The following FSTL5 variants were observed in gnomAD, a reference collection of about 807,000 sequenced individuals.
FSTL5 encodes follistatin-related protein 5.
FSTL5 carries 62 observed loss-of-function variants against 89.1 expected under a neutral mutation model. The ratio of observed to expected loss-of-function variants is 0.70; its 90% CI spans 0.57 to 0.86. FSTL5 has a LOEUF of 0.86. Among genes scored for constraint, FSTL5 ranks in the 40% least tolerant of loss-of-function variants. The probability of loss-of-function intolerance (pLI) is 0.00; values close to 1 mark genes in which losing one functional copy is unlikely to be tolerated. For missense variants in FSTL5, 1,057 were observed against 1,001.6 expected (o/e 1.06, Z -0.75); for synonymous variants, 383 against 346.2 (o/e 1.11, Z -1.18).
At chr4:161,792,108 C>T (rs1260557076) in intron 4 of FSTL5, among the ~76,000 whole-genome samples, 1 of 152,170 alleles carries the variant, frequency 6.6e-6, no homozygotes, top group East Asian at 1.9e-4. Context: ...ATGCCAGCTC[C>T]TGCTGCCTGG....
chr4:161,676,358 A>G (rs1737299391), intron 6 of FSTL5, among the ~76,000 whole-genome samples: 1 of 152,114 alleles, frequency 6.6e-6, no homozygotes, highest in Admixed American at 6.6e-5. Flanking sequence ...TTGCAGGGAC[A>G]TGGATGAAGC....
chr4:161,571,499 A>G (rs977562651), intron 8 of FSTL5, among the ~76,000 whole-genome samples: 2 of 152,196 alleles, frequency 1.3e-5, no homozygotes, highest in Admixed American at 1.3e-4. Flanking sequence ...AACTGTTATA[A>G]AGTGACTGAA....
At chr4:161,472,613 G>T (rs759493390) in intron 13 of FSTL5, among the ~76,000 whole-genome samples, 4 of 150,832 alleles carry the variant, frequency 2.7e-5, no homozygotes, top group African/African-American at 9.8e-5. Flanking sequence ...TTTTTTAATC[G>T]ATTGTTTAAG....
chr4:161,560,550 TTTTTA>T (rs1258499388), intron 8 of FSTL5, among the ~76,000 whole-genome samples: 1 of 148,048 alleles, frequency 6.8e-6, no homozygotes, highest in Non-Finnish European at 1.5e-5. Context: ...ATTTTTTATA[TTTTTA>T]TTTTATAAGA....
At position 161,542,676 on chromosome 4, in the gene FSTL5, C is replaced by G. The variant is rs765150532; in HGVS notation, c.1033G>C (p.Val345Leu). The change falls in exon 9 of 16, where the codon GTG (valine) becomes CTG (leucine). Residue 345 changes from valine (V) to leucine (L), a missense_variant. By Grantham distance (32) the Val-to-Leu change is conservative. Around this residue, in one of 3 missense-constraint regions of FSTL5, gnomAD observed 980 missense variants for 903.2 expected, o/e 1.08. Transcript: ENST00000306100. The stretch of plus-strand genomic sequence containing the variant: ...TCTCTAGCCTGACTCTCTGGATACA[C>G]CCGGATGACTGGAGGAACTAAAGGA... ...FQVNVPPVIR[V>L]YPESQAREPG... 6.1e-6 allele frequency: 9 copies of G among 1,482,522 alleles called. No individual in the cohort carries two copies. In the South Asian group the frequency reaches 1.2e-4, roughly 20 times the overall value. The allele number at this position is 1,482,522 out of a possible 1,614,324, so 91.8% of individuals were successfully genotyped here. A position where few individuals can be genotyped will look rare whatever the true frequency, so the allele number is the denominator to read the frequency against.
At chr4:161,567,891 G>A (rs901329686) in intron 8 of FSTL5, among the ~76,000 whole-genome samples, 1 of 151,846 alleles carries the variant, frequency 6.6e-6, no homozygotes, top group East Asian at 1.9e-4. Flanking sequence ...TTTCTAAAAC[G>A]ATCTTCCCAT....
At chr4:161,759,348 C>G (rs1740696355) in intron 6 of FSTL5, 63 bp downstream of exon 6, 1 of 1,465,068 alleles carries the variant, frequency 6.8e-7, no homozygotes, top group Non-Finnish European at 9.2e-7. Context: ...GCAAATAGAC[C>G]ATATTGTGTA....
chr4:161,896,839 T>C (rs963312626), intron 4 of FSTL5, among the ~76,000 whole-genome samples: 8 of 152,182 alleles, frequency 5.3e-5, no homozygotes, highest in African/African-American at 1.4e-4. Flanking sequence ...TTTGAAAGCA[T>C]AGATAAATAA....
intron 4 of FSTL5, among the ~76,000 whole-genome samples, chr4:161,839,767 T>C (rs1452905334): frequency 1.3e-5 from 2 of 152,198 alleles, no homozygotes; most frequent in Non-Finnish European, 2.9e-5. Context: ...AGTCATACTC[T>C]ATATCTTGAT....
chr4:161,889,152 A>G (rs1732907774), intron 4 of FSTL5, among the ~76,000 whole-genome samples: 1 of 152,202 alleles, frequency 6.6e-6, no homozygotes, highest in Admixed American at 6.5e-5. Context: ...TCCTAGAGTC[A>G]ACCAAGCTTT....
At chr4:161,415,556 TCTCTTCA>T (rs1316887502) in intron 15 of FSTL5, among the ~76,000 whole-genome samples, 4 of 151,730 alleles carry the variant, frequency 2.6e-5, no homozygotes, top group Non-Finnish European at 4.4e-5. Flanking sequence ...CGCTCGGCCG[TCTCTTCA>T]CTTTTGAGCC....
chr4:161,878,802 T>A (rs1732533773), intron 4 of FSTL5, among the ~76,000 whole-genome samples: 1 of 152,168 alleles, frequency 6.6e-6, no homozygotes, highest in Non-Finnish European at 1.5e-5. Flanking sequence ...TTAAATACAA[T>A]TAATGATAAC....
intron 11 of FSTL5, 21 bp from the exon 12 acceptor site, chr4:161,500,155 T>C (rs1360449492): frequency 5.7e-6 from 8 of 1,415,622 alleles, no homozygotes; most frequent in Non-Finnish European, 7.9e-6. Flanking sequence ...AAAACACATT[T>C]AAATGTTCAA....
At chr4:161,495,409 C>T (rs1730032335) in intron 12 of FSTL5, 1 of 152,112 alleles carries the variant, frequency 6.6e-6, no homozygotes, top group Non-Finnish European at 1.5e-5. Context: ...CTTCTGAATC[C>T]ATAAGTCTGA....
At chr4:161,681,128 G>T (rs1737503922) in intron 6 of FSTL5, among the ~76,000 whole-genome samples, 1 of 151,930 alleles carries the variant, frequency 6.6e-6, no homozygotes, top group Admixed American at 6.6e-5. Flanking sequence ...CAGAAAAATA[G>T]CCTCTGAGTG....
At chr4:161,701,480 TA>T (rs1335976737) in intron 6 of FSTL5, among the ~76,000 whole-genome samples, 1 of 151,840 alleles carries the variant, frequency 6.6e-6, no homozygotes, top group African/African-American at 2.4e-5. Flanking sequence ...TGTTTTTCCC[TA>T]AAAAGAAACA....
intron 8 of FSTL5, among the ~76,000 whole-genome samples, chr4:161,573,733 CAAAAAAAAAAAAAAAA>C (rs70937664): frequency 7.9e-5 from 4 of 50,624 alleles, no homozygotes; most frequent in Admixed American, 2.8e-4. Context: ...AACTCCAGCT[CAAAAAAAAAAAAAAAA>C]AAAAAAAAGA....
At chr4:161,784,523 C>T (rs188271437) in intron 4 of FSTL5, among the ~76,000 whole-genome samples, 40 of 152,182 alleles carry the variant, frequency 2.6e-4, no homozygotes, top group Admixed American at 7.9e-4. Context: ...TAAACATCTT[C>T]TCCACTAATT....
chr4:161,461,636 GAATAGTT>G, intron 13 of FSTL5, among the ~76,000 whole-genome samples: 1 of 152,016 alleles, frequency 6.6e-6, no homozygotes, highest in South Asian at 2.1e-4. Flanking sequence ...ATTGCTTAAG[GAATAGTT>G]AATCTGGATT....
Sources: allele counts gnomAD v4.1 joint callset (sites outside exome capture counted in the v4.1 genomes callset), GRCh38; gene constraint gnomAD v4.1.1; regional missense constraint gnomAD v4.1.1; transcripts MANE v1.5; gene names NCBI Gene and HGNC (gene_info 2026-07-23, HGNC 2026-07-21).